CTNNA3: variants seen among roughly 807,000 people sequenced by gnomAD.
The protein encoded by CTNNA3 is catenin alpha 3.
Under a neutral mutation model 95.7 loss-of-function variants are expected in CTNNA3, and 76 were observed. That is an observed-to-expected ratio of 0.79 (90% CI 0.66 to 0.96). The LOEUF is 0.96. Among genes scored for constraint, CTNNA3 ranks in the 40% least tolerant of loss-of-function variants. The pLI, the probability that CTNNA3 is intolerant of heterozygous loss-of-function variation, is 0.00. For synonymous variants in CTNNA3, 431 were observed against 374.4 expected, an observed-to-expected ratio of 1.15 and a Z score of -1.74; for missense variants, 1,191 against 1,089.8, an observed-to-expected ratio of 1.09 and a Z score of -1.31.
chr10:67,667,318 T>G (rs1242549404), intron 1 of CTNNA3, among the ~76,000 whole-genome samples: 1 of 152,160 alleles, frequency 6.6e-6, no homozygotes, highest in East Asian at 1.9e-4. Flanking sequence ...CCTGATTTAT[T>G]CTAAAAATAA....
intron 2 of CTNNA3, among the ~76,000 whole-genome samples, chr10:67,618,835 A>G (rs939908779): frequency 6.6e-6 from 1 of 152,230 alleles, no homozygotes; most frequent in Non-Finnish European, 1.5e-5. Context: ...CTCTAAGTCA[A>G]TAGTCATTTT....
In CTNNA3 at chr10:65,918,861, C is replaced by T. The variant is rs955407420; in HGVS notation, c.*1469G>A. On this transcript the variant is annotated 3_prime_UTR_variant, in exon 18 of 18. Transcript: ENST00000433211. ...TCAATCTTTATGCTTTTCTATGTTTCATGCATCCTTTTACCCAAACTGGTT... is the reference window on the plus strand; with the variant it reads ...TCAATCTTTATGCTTTTCTATGTTTTATGCATCCTTTTACCCAAACTGGTT... 2.0e-5 allele frequency: 3 copies of T among 152,122 alleles called. No homozygotes were observed. The highest frequency in any genetic ancestry group is 7.2e-5 in the African/African-American group (3 of 41,432). The allele number at this position is 152,122 out of a possible 1,614,324, so 9.4% of individuals were successfully genotyped here.
intron 9 of CTNNA3, among the ~76,000 whole-genome samples, chr10:66,745,659 G>A (rs1589204778): frequency 1.4e-5 from 2 of 138,850 alleles, no homozygotes; most frequent in Admixed American, 7.9e-5. Context: ...GTGTGATCTC[G>A]GCTCACTGCA....
intron 10 of CTNNA3, among the ~76,000 whole-genome samples, chr10:66,600,740 T>C (rs1843890844): frequency 6.6e-6 from 1 of 151,834 alleles, no homozygotes; most frequent in African/African-American, 2.4e-5. Flanking sequence ...AATATTGGCA[T>C]CCTTTCTAAT....
chr10:66,454,300 A>G (rs59690812), intron 11 of CTNNA3, among the ~76,000 whole-genome samples: 17,283 of 152,180 alleles, frequency 0.11, 1,390 homozygotes, highest in African/African-American at 0.23. Flanking sequence ...CAGCAATAAA[A>G]CTGAAAAGTC....
intron 14 of CTNNA3, among the ~76,000 whole-genome samples, chr10:66,102,110 T>C (rs1012351791): frequency 4.6e-5 from 7 of 152,080 alleles, no homozygotes; most frequent in Middle Eastern, 3.2e-3. Flanking sequence ...AGCCTTTCAA[T>C]ATAAGTGCTT....
At chr10:67,121,595 T>C (rs902789115) in intron 7 of CTNNA3, among the ~76,000 whole-genome samples, 1 of 151,974 alleles carries the variant, frequency 6.6e-6, no homozygotes, top group Non-Finnish European at 1.5e-5. Context: ...TATTGAGTAG[T>C]ATAGGATAAC....
At chr10:66,952,752 T>G (rs1433219150) in intron 7 of CTNNA3, among the ~76,000 whole-genome samples, 1 of 152,030 alleles carries the variant, frequency 6.6e-6, no homozygotes, top group Non-Finnish European at 1.5e-5. Flanking sequence ...CCAGGGACTC[T>G]TCTGCTTGGT....
intron 5 of CTNNA3, among the ~76,000 whole-genome samples, chr10:67,295,329 CAGAT>C (rs1378720735): frequency 3.3e-5 from 5 of 152,128 alleles, no homozygotes; most frequent in Admixed American, 2.0e-4. Flanking sequence ...TTCATGACAA[CAGAT>C]AGATCATAAA....
chr10:67,704,131 A>T (rs1344581166), intron 1 of CTNNA3, among the ~76,000 whole-genome samples: 1 of 152,242 alleles, frequency 6.6e-6, no homozygotes, highest in Admixed American at 6.5e-5. Flanking sequence ...AAAAGAGGAT[A>T]CAAACAAATG....
At chr10:66,937,511 T>C (rs981542825) in intron 7 of CTNNA3, among the ~76,000 whole-genome samples, 31 of 152,122 alleles carry the variant, frequency 2.0e-4, no homozygotes, top group African/African-American at 7.5e-4. Context: ...CATATTACAC[T>C]ACCTATTTTT....
intron 7 of CTNNA3, among the ~76,000 whole-genome samples, chr10:67,103,476 G>A (rs1362946711): frequency 1.3e-5 from 2 of 151,746 alleles, no homozygotes; most frequent in Admixed American, 6.6e-5. Context: ...CTGGAAGTGG[G>A]GAGAAAGGCA....
At chr10:66,573,925 T>C (rs1034499711) in intron 10 of CTNNA3, among the ~76,000 whole-genome samples, 15 of 152,150 alleles carry the variant, frequency 9.9e-5, no homozygotes, top group South Asian at 6.2e-4. Context: ...TGATGTACTT[T>C]ACAGATAAAT....
intron 17 of CTNNA3, among the ~76,000 whole-genome samples, chr10:65,925,394 C>T (rs899895409): frequency 6.6e-6 from 1 of 152,136 alleles, no homozygotes; most frequent in Non-Finnish European, 1.5e-5. Flanking sequence ...TCCTCTCTAC[C>T]TTCTTGCAGA....
chr10:67,429,229 C>T (rs1418482714), intron 5 of CTNNA3, among the ~76,000 whole-genome samples: 7 of 151,948 alleles, frequency 4.6e-5, no homozygotes, highest in African/African-American at 1.7e-4. Context: ...ATCAACCCTT[C>T]AAACTTTTCT....
intron 7 of CTNNA3, among the ~76,000 whole-genome samples, chr10:66,874,001 G>C (rs1020854462): frequency 1.3e-5 from 2 of 152,128 alleles, no homozygotes; most frequent in Admixed American, 1.3e-4. Context: ...AAAGGTACCA[G>C]AGCTACCAGA....
chr10:66,203,101 C>T (rs2087539700), intron 13 of CTNNA3, among the ~76,000 whole-genome samples: 1 of 152,134 alleles, frequency 6.6e-6, no homozygotes, highest in African/African-American at 2.4e-5. Context: ...CCAGGATCAA[C>T]CATATAGATC....
At chr10:67,250,274 G>A (rs964265852) in intron 5 of CTNNA3, among the ~76,000 whole-genome samples, 1 of 150,876 alleles carries the variant, frequency 6.6e-6, no homozygotes, top group African/African-American at 2.4e-5. Flanking sequence ...GGAGGGCAGT[G>A]GCACGGTCTC....
chr10:66,233,015 C>A (rs962320351), intron 13 of CTNNA3, among the ~76,000 whole-genome samples: 1 of 151,776 alleles, frequency 6.6e-6, no homozygotes, highest in Non-Finnish European at 1.5e-5. Context: ...CAAAAATTAG[C>A]CGGGCGTGGT....
Sources: gnomAD v4.1 joint callset for allele counts (sites outside exome capture counted in the v4.1 genomes callset) on GRCh38, gnomAD v4.1.1 for gene constraint, MANE v1.5 for transcripts, NCBI Gene and HGNC (gene_info 2026-07-23, HGNC 2026-07-21) for gene names.